ABCA6: variants seen among roughly 807,000 people sequenced by gnomAD.
The protein encoded by ABCA6 is ATP binding cassette subfamily A member 6.
A neutral mutation model predicts 191.2 loss-of-function variants in ABCA6; 164 were observed. That is an observed-to-expected ratio of 0.86 (90% CI 0.76 to 0.98). The LOEUF is 0.98. ABCA6 is among the 50% of genes least tolerant of loss of function. ABCA6 has a pLI of 0.00. For synonymous variants in ABCA6, 636 were observed against 647.7 expected, an observed-to-expected ratio of 0.98 and a Z score of 0.27; for missense variants, 1,958 against 1,894.1, an observed-to-expected ratio of 1.03 and a Z score of -0.63.
chr17:69,110,767 A>G (rs1248792987), intron 17 of ABCA6, 34 bp downstream of exon 17: 2 of 1,564,478 alleles, frequency 1.3e-6, no homozygotes, highest in South Asian at 2.4e-5. Flanking sequence ...ATTTTTTCCC[A>G]TATTTCATTT....
At chr17:69,103,893 A>G (rs1220776845) in intron 20 of ABCA6, 1 of 149,134 alleles carries the variant, frequency 6.7e-6, no homozygotes, top group East Asian at 2.0e-4. Flanking sequence ...GATGGAATGA[A>G]TAAGAGGAAA....
At chr17:69,087,610 G>T (rs1431988914) in intron 28 of ABCA6, 137 bp from the exon 29 acceptor site, 21 of 1,202,280 alleles carry the variant, frequency 1.7e-5, no homozygotes, top group Non-Finnish European at 2.4e-5. Context: ...TGTCAATATT[G>T]CTTCTGCTTT....
intron 29 of ABCA6, 126 bp downstream of exon 29, chr17:69,087,227 C>G (rs2072820069): frequency 8.1e-7 from 1 of 1,231,730 alleles, no homozygotes; most frequent in African/African-American, 1.5e-5. Flanking sequence ...TTGGAGTGTC[C>G]TGGACGCATA....
intron 38 of ABCA6, 49 bp downstream of exon 38, chr17:69,079,161 T>C: frequency 6.3e-7 from 1 of 1,589,902 alleles, no homozygotes. Context: ...TGCATGTTGC[T>C]TTCATGTGAA....
At chr17:69,115,549 C>G (rs1942486812) in intron 11 of ABCA6, 63 bp from the exon 12 acceptor site, 2 of 1,214,440 alleles carry the variant, frequency 1.6e-6, no homozygotes, top group African/African-American at 3.0e-5. Context: ...ATTAGACAGG[C>G]CTGGTCCCAA....
rs749531939 is a variant in ABCA6, at chr17:69,100,933, T to A, written c.2876A>T (p.Asp959Val). The A allele has an allele frequency of 1.3e-6, 2 of 1,580,048 alleles. No homozygotes were observed. The highest frequency in any genetic ancestry group is 4.5e-5 in the East Asian group (2 of 44,266). Residue 959 changes from aspartate (D) to valine (V), a missense_variant and splice_region_variant, in exon 22 of 39, where the codon GAT becomes GTT. By Grantham distance (152) the Asp-to-Val change is radical (BLOSUM62 -3). Transcript: ENST00000284425. ...ATTACACACAACTGAAAATCTATAA[T>A]CCTTAAAACAGAAACAAATAAATAA... is the stretch of plus-strand genomic sequence containing the variant. ...GAIIVSGKQKDYRFSVVCNTK... is the reference protein window; with the variant it reads ...GAIIVSGKQKVYRFSVVCNTK...
chr17:69,130,345 TTAAG>T (rs1481722889), intron 6 of ABCA6, among the ~76,000 whole-genome samples: 1 of 151,714 alleles, frequency 6.6e-6, no homozygotes, highest in Non-Finnish European at 1.5e-5. Flanking sequence ...CCAAAATTAA[TTAAG>T]TGACTGTAAG....
chr17:69,107,375 A>G (rs1175118731), intron 18 of ABCA6, among the ~76,000 whole-genome samples: 1 of 152,148 alleles, frequency 6.6e-6, no homozygotes, highest in Non-Finnish European at 1.5e-5. Flanking sequence ...GCTAACAGCA[A>G]TTTTTATTTT....
At chr17:69,105,411 C>A in intron 20 of ABCA6, 51 bp downstream of exon 20, 1 of 1,499,958 alleles carries the variant, frequency 6.7e-7, no homozygotes, top group Non-Finnish European at 9.0e-7. Context: ...CTGTGCTATT[C>A]AACAATAAAA....
intron 21 of ABCA6, among the ~76,000 whole-genome samples, chr17:69,102,029 G>A (rs1028445989): frequency 1.3e-5 from 2 of 152,122 alleles, no homozygotes; most frequent in East Asian, 1.9e-4. Context: ...ATGCAAATAA[G>A]ACTGAAGAGT....
At chr17:69,126,677 AG>A (rs565334255) in intron 8 of ABCA6, among the ~76,000 whole-genome samples, 118 of 152,262 alleles carry the variant, frequency 7.7e-4, no homozygotes, top group African/African-American at 2.7e-3. Context: ...TAATTATTAA[AG>A]AAAATCAAAG....
In ABCA6 at chr17:69,085,639, G is replaced by A; in HGVS notation, c.4015C>T (p.Pro1339Ser). 6.2e-7 allele frequency: 1 copy of A among 1,611,288 alleles called. No individual in the cohort carries two copies. The highest frequency in any genetic ancestry group is 8.5e-7 in the Non-Finnish European group (1 of 1,178,476). The change falls in exon 31 of 39, where the codon CCA becomes TCA. Residue 1339 changes from proline to serine, a missense_variant. Coordinates refer to ENST00000284425, the MANE Select transcript of ABCA6 (RefSeq NM_080284.3). Reference sequence around the variant, plus strand: ...TTCCTCACTACCTCTCCAGCAGTTGGCTTTGTGATCCCAGATATCATTCTA... The same window carrying A: ...TTCCTCACTACCTCTCCAGCAGTTGACTTTGTGATCCCAGATATCATTCTA... Reference protein sequence around the residue: ...SIRMISGITKPTAGEVELKGC... With the variant: ...SIRMISGITKSTAGEVELKGC...
chr17:69,091,075 GATCTGGGAAA>G (rs1169705181), intron 26 of ABCA6, 58 bp downstream of exon 26: 1 of 1,505,398 alleles, frequency 6.6e-7, no homozygotes, highest in African/African-American at 1.4e-5. Flanking sequence ...TGTCTCTCTT[GATCTGGGAAA>G]AGCACTTTAA....
rs998426796 is a variant in ABCA6, at chr17:69,091,024, C to A, written c.3528+119G>T. On this transcript the variant is annotated intron_variant, in intron 26 of 38. Coordinates refer to ENST00000284425, the MANE Select transcript of ABCA6 (RefSeq NM_080284.3). ...CATTTTCATCATCCCCCCAAAATCTCTTATGCCCATTTGCTGTTACTCCCC... is the reference window on the plus strand; with the variant it reads ...CATTTTCATCATCCCCCCAAAATCTATTATGCCCATTTGCTGTTACTCCCC... The A allele has an allele frequency of 3.2e-5, 33 of 1,021,564 alleles. No homozygotes were observed. In the South Asian group the frequency reaches 5.8e-4, roughly 18 times the overall value. The allele number at this position is 1,021,564 out of a possible 1,614,324, so 63.3% of individuals were successfully genotyped here.
At chr17:69,117,875 A>C (rs1422097728) in intron 11 of ABCA6, 23 bp downstream of exon 11, 3 of 1,512,646 alleles carry the variant, frequency 2.0e-6, no homozygotes, top group Middle Eastern at 1.8e-4. Flanking sequence ...GAAAGAATGA[A>C]ATTTTTCAAT....
rs78567216 is a variant in ABCA6 at position 69,128,612 on chromosome 17, C to T, written c.1119+7G>A. The T allele has an allele frequency of 6.2e-7, 1 of 1,604,190 alleles. No homozygotes were observed. Among genetic ancestry groups the T allele is most frequent in the East Asian group, 2.2e-5 (1 of 44,702 alleles). ...TTCAGTAATAAACCAATTAACTAGG[C>T]TCTTACCTGAATCATTCCAGTAGTA... On this transcript the variant is annotated splice_region_variant and intron_variant, in intron 8 of 38. Coordinates refer to ENST00000284425, the MANE Select transcript of ABCA6 (RefSeq NM_080284.3).
intron 1 of ABCA6, among the ~76,000 whole-genome samples, chr17:69,141,491 TTC>T (rs1461182276): frequency 2.0e-5 from 3 of 152,070 alleles, no homozygotes; most frequent in African/African-American, 4.8e-5. Context: ...CAAAATGAAA[TTC>T]TTTCATATTT....
Position 69,119,390 on chromosome 17 carries a change from G to A in ABCA6, c.1437-1434C>T, listed in dbSNP as rs183457772. Reference sequence around the variant, plus strand: ...AAAATTTAACTCTAAAATAGTTCAAGTCTTGGGTCCCTTTTAAGTCTTCAA... The same window carrying A: ...AAAATTTAACTCTAAAATAGTTCAAATCTTGGGTCCCTTTTAAGTCTTCAA... On this transcript the variant is annotated intron_variant, in intron 10 of 38. Transcript: ENST00000284425. Among the ~76,000 whole-genome samples the A allele has an allele frequency of 2.0e-5, 3 of 152,130 alleles. No homozygotes were observed. In the East Asian group the frequency reaches 5.8e-4, roughly 30 times the overall value.
intron 6 of ABCA6, among the ~76,000 whole-genome samples, chr17:69,132,627 G>A (rs934728329): frequency 6.6e-6 from 1 of 152,016 alleles, no homozygotes; most frequent in African/African-American, 2.4e-5. Flanking sequence ...TTACAGGCAC[G>A]CGCCACCACA....
Sources: gnomAD v4.1 joint callset for allele counts (sites outside exome capture counted in the v4.1 genomes callset) on GRCh38, gnomAD v4.1.1 for gene constraint, MANE v1.5 for transcripts, NCBI Gene and HGNC (gene_info 2026-07-23, HGNC 2026-07-21) for gene names.